Variants in IMMP2L observed in about 807,000 individuals in gnomAD.
The protein encoded by IMMP2L is mitochondrial inner membrane protease subunit 2.
Under a neutral mutation model 19.3 loss-of-function variants are expected in IMMP2L, and 18 were observed. The ratio of observed to expected loss-of-function variants is 0.93; its 90% confidence interval spans 0.64 to 1.38. The LOEUF is 1.38. Ranked by LOEUF, IMMP2L falls within the 40% of genes most tolerant of loss-of-function variation. IMMP2L has a pLI of 0.00. For missense variants in IMMP2L, 233 were observed against 218.2 expected (o/e 1.07, Z -0.43); for synonymous variants, 76 against 73.0 (o/e 1.04, Z -0.21).
chr7:111,513,344 A>G (rs1194374093), intron 2 of IMMP2L, among the ~76,000 whole-genome samples: 1 of 152,182 alleles, frequency 6.6e-6, no homozygotes, highest in Non-Finnish European at 1.5e-5. Flanking sequence ...GCCCAGAAGC[A>G]TATAAAAAAT....
chr7:111,159,658 G>T (rs1231585207), intron 3 of IMMP2L, among the ~76,000 whole-genome samples: 2 of 152,046 alleles, frequency 1.3e-5, no homozygotes, highest in Non-Finnish European at 2.9e-5. Flanking sequence ...TTACCAATTT[G>T]TCATGAAGGC....
chr7:110,830,573 T>C (rs1528035), intron 5 of IMMP2L, among the ~76,000 whole-genome samples: 111,246 of 151,892 alleles, frequency 0.73, 40,752 homozygotes, highest in East Asian at 0.86. Flanking sequence ...CATCTTGTAC[T>C]GCAAACAAAA....
chr7:110,780,540 C>G (rs770606194), intron 5 of IMMP2L, among the ~76,000 whole-genome samples: 1 of 151,716 alleles, frequency 6.6e-6, no homozygotes, highest in Non-Finnish European at 1.5e-5. Context: ...CACCTCTCAT[C>G]TCACAACTCT....
rs190238558 is a variant in IMMP2L at position 110,687,920 on chromosome 7, A to G, written c.409-24199T>C. Among the ~76,000 whole-genome samples the G allele has an allele frequency of 2.6e-5, 4 of 152,074 alleles. No individual in the cohort carries two copies. The East Asian group carries it at 7.8e-4, about 30-fold the overall frequency. ...GTGACTGCTTTGTCCAATTCTGGGC[A>G]TAATACTTAACTGGCCTGGTAGCTT... is the stretch of plus-strand genomic sequence containing the variant. On this transcript the variant is annotated intron_variant, in intron 5 of 5. Transcript: ENST00000405709.
intron 3 of IMMP2L, among the ~76,000 whole-genome samples, chr7:111,222,939 C>A (rs1349094695): frequency 6.6e-6 from 1 of 151,772 alleles, no homozygotes. Context: ...ATCAATAGTA[C>A]AACAGATACA....
intron 5 of IMMP2L, among the ~76,000 whole-genome samples, chr7:110,798,312 A>G (rs183478497): frequency 7.9e-5 from 12 of 152,104 alleles, no homozygotes; most frequent in African/African-American, 2.6e-4. Context: ...GCAATCATAC[A>G]ACACATTTCC....
chr7:110,810,054 T>A (rs1471585494), intron 5 of IMMP2L, among the ~76,000 whole-genome samples: 1 of 152,090 alleles, frequency 6.6e-6, no homozygotes, highest in Admixed American at 6.6e-5. Flanking sequence ...GCCTGCCATC[T>A]GGAGCCGGTG....
chr7:110,817,461 G>A (rs1380207369), intron 5 of IMMP2L, among the ~76,000 whole-genome samples: 4 of 152,086 alleles, frequency 2.6e-5, no homozygotes, highest in African/African-American at 4.8e-5. Context: ...TGAAATAAAA[G>A]AGGATACAAA....
intron 3 of IMMP2L, among the ~76,000 whole-genome samples, chr7:111,217,138 A>ACACACACACACC (rs1812035626): frequency 6.6e-6 from 1 of 151,154 alleles, no homozygotes; most frequent in Admixed American, 6.6e-5. Context: ...ACACACACAC[A>ACACACACACACC]CACACACACA....
chr7:111,076,769 G>A (rs1442476984), intron 3 of IMMP2L, among the ~76,000 whole-genome samples: 1 of 152,142 alleles, frequency 6.6e-6, no homozygotes, highest in Admixed American at 6.5e-5. Flanking sequence ...TGATGTTATT[G>A]TTTACTTAAT....
chr7:111,319,715 G>GT (rs1232949763), intron 3 of IMMP2L, among the ~76,000 whole-genome samples: 1 of 151,898 alleles, frequency 6.6e-6, no homozygotes, highest in Non-Finnish European at 1.5e-5. Context: ...TTAAACCTAA[G>GT]TTTTTTTAGA....
intron 5 of IMMP2L, among the ~76,000 whole-genome samples, chr7:110,705,506 A>G (rs1794598180): frequency 1.3e-5 from 2 of 152,144 alleles, no homozygotes. Flanking sequence ...AATTAATCCA[A>G]AGGATGAAGC....
At chr7:110,896,170 CTAGTAAAA>C in intron 4 of IMMP2L, among the ~76,000 whole-genome samples, 1 of 152,002 alleles carries the variant, frequency 6.6e-6, no homozygotes, top group Non-Finnish European at 1.5e-5. Context: ...TTGCGCCAAC[CTAGTAAAA>C]TAGTAAAAAT....
At chr7:111,159,800 A>T (rs1045715178) in intron 3 of IMMP2L, among the ~76,000 whole-genome samples, 2 of 152,198 alleles carry the variant, frequency 1.3e-5, no homozygotes, top group African/African-American at 2.4e-5. Flanking sequence ...AATATATTTT[A>T]CTTAATATAC....
At chr7:111,229,983 T>C (rs1309853414) in intron 3 of IMMP2L, among the ~76,000 whole-genome samples, 1 of 152,002 alleles carries the variant, frequency 6.6e-6, no homozygotes, top group Non-Finnish European at 1.5e-5. Flanking sequence ...GACAGTGTGG[T>C]ATGGGCTAGC....
At chr7:111,436,248 C>T (rs1837155486) in intron 3 of IMMP2L, among the ~76,000 whole-genome samples, 1 of 151,494 alleles carries the variant, frequency 6.6e-6, no homozygotes, top group Admixed American at 6.6e-5. Context: ...TATGTCATAT[C>T]CACTTGGCCC....
At chr7:110,821,008 T>C (rs1378695069) in intron 5 of IMMP2L, among the ~76,000 whole-genome samples, 1 of 152,090 alleles carries the variant, frequency 6.6e-6, no homozygotes, top group Admixed American at 6.6e-5. Context: ...ATATCTAATA[T>C]ACACTGAGAC....
intron 3 of IMMP2L, among the ~76,000 whole-genome samples, chr7:110,978,659 TA>T (rs1044037105): frequency 2.6e-5 from 4 of 152,144 alleles, no homozygotes; most frequent in South Asian, 2.1e-4. Flanking sequence ...ATTAATTGCT[TA>T]AAAAAATCCT....
At chr7:111,192,921 T>C (rs1216166585) in intron 3 of IMMP2L, among the ~76,000 whole-genome samples, 1 of 152,088 alleles carries the variant, frequency 6.6e-6, no homozygotes, top group Non-Finnish European at 1.5e-5. Context: ...GCTAATCACA[T>C]AGATTGTACA....
Sources: allele counts gnomAD v4.1 joint callset (sites outside exome capture counted in the v4.1 genomes callset), GRCh38; gene constraint gnomAD v4.1.1; transcripts MANE v1.5; gene names NCBI Gene and HGNC (gene_info 2026-07-23, HGNC 2026-07-21).